RALYL: variants seen among roughly 807,000 people sequenced by gnomAD.
RALYL encodes RNA-binding Raly-like protein.
A neutral mutation model predicts 35.1 loss-of-function variants in RALYL; 29 were observed. The observed-to-expected ratio is 0.83, with a 90% CI of 0.61 to 1.13. RALYL has a LOEUF of 1.13. RALYL is among the 50% of genes most tolerant of loss of function. The pLI is 0.00. For synonymous variants in RALYL, 120 were observed against 127.6 expected (o/e 0.94, Z 0.40); for missense variants, 359 against 360.4 (o/e 1.00, Z 0.03).
intron 2 of RALYL, among the ~76,000 whole-genome samples, chr8:84,715,886 T>C (rs1842886803): frequency 6.6e-6 from 1 of 152,134 alleles, no homozygotes; most frequent in Non-Finnish European, 1.5e-5. Context: ...ACTCAAAGTA[T>C]TAATGGTCTC....
intron 1 of RALYL, among the ~76,000 whole-genome samples, chr8:84,519,061 C>A (rs950695055): frequency 3.3e-5 from 5 of 152,172 alleles, no homozygotes; most frequent in African/African-American, 1.2e-4. Context: ...ATTCTTTCTA[C>A]ATTGCTGTCT....
intron 8 of RALYL, among the ~76,000 whole-genome samples, chr8:84,896,087 C>T (rs1478413738): frequency 6.6e-6 from 1 of 152,180 alleles, no homozygotes; most frequent in Non-Finnish European, 1.5e-5. Context: ...CCTGCCCTCC[C>T]CCTTGAGGAT....
chr8:84,817,256 T>C (rs1477609933), intron 4 of RALYL, among the ~76,000 whole-genome samples: 25 of 152,190 alleles, frequency 1.6e-4, no homozygotes. Context: ...TTCAATATAC[T>C]TCTGCTGTTA....
intron 2 of RALYL, among the ~76,000 whole-genome samples, chr8:84,564,106 T>A (rs2061628901): frequency 1.3e-5 from 2 of 151,770 alleles, no homozygotes; most frequent in South Asian, 4.1e-4. Flanking sequence ...ATTCTTATAG[T>A]CATGTTTCTT....
At chr8:84,796,757 TAA>T (rs3068137) in intron 3 of RALYL, among the ~76,000 whole-genome samples, 41,842 of 152,024 alleles carry the variant, frequency 0.28, 6,190 homozygotes, top group African/African-American at 0.37. Context: ...TTAAGTATAT[TAA>T]GTTATTTATA....
chr8:84,256,828 C>A (rs972422106), intron 1 of RALYL, among the ~76,000 whole-genome samples: 46 of 151,944 alleles, frequency 3.0e-4, no homozygotes, highest in Non-Finnish European at 4.9e-4. Context: ...AGTAATTTAC[C>A]CAGACAGGTG....
intron 1 of RALYL, among the ~76,000 whole-genome samples, chr8:84,201,272 T>G (rs1016620252): frequency 6.6e-6 from 1 of 152,200 alleles, no homozygotes; most frequent in African/African-American, 2.4e-5. Context: ...TTAAATTGAT[T>G]TAGTATCTTT....
chr8:84,252,439 A>G (rs896153722), intron 1 of RALYL, among the ~76,000 whole-genome samples: 5 of 152,182 alleles, frequency 3.3e-5, no homozygotes, highest in African/African-American at 1.2e-4. Context: ...TACACGGTAC[A>G]AGCTGGAAAT....
intron 1 of RALYL, among the ~76,000 whole-genome samples, chr8:84,494,234 G>C (rs565550055): frequency 2.2e-4 from 34 of 152,204 alleles, no homozygotes; most frequent in Middle Eastern, 3.4e-3. Context: ...TCTTATTTCT[G>C]AGGTCTCTAT....
At chr8:84,520,877 T>C (rs1389487272) in intron 1 of RALYL, among the ~76,000 whole-genome samples, 1 of 152,188 alleles carries the variant, frequency 6.6e-6, no homozygotes, top group Non-Finnish European at 1.5e-5. Flanking sequence ...AATCAGTCCC[T>C]GGTGCCAAAC....
chr8:84,859,323 G>T (rs569160297), intron 5 of RALYL, among the ~76,000 whole-genome samples: 1 of 152,076 alleles, frequency 6.6e-6, no homozygotes, highest in Non-Finnish European at 1.5e-5. Context: ...GTAGCCTCTG[G>T]TCCTTTTGTT....
chr8:84,571,202 G>A (rs977710639), intron 2 of RALYL, among the ~76,000 whole-genome samples: 3 of 151,694 alleles, frequency 2.0e-5, no homozygotes, highest in East Asian at 3.9e-4. Flanking sequence ...ACTCTTCCTT[G>A]TATGTTTGGT....
rs180859246 is a variant in RALYL at position 84,497,278 on chromosome 8, A to T, written c.-23-32021A>T. ...TCTGCAAGGTCTTTTATGAGGGTGAAATCAATTTATTCACTCAGGTCCATA... is the reference window on the plus strand; with the variant it reads ...TCTGCAAGGTCTTTTATGAGGGTGATATCAATTTATTCACTCAGGTCCATA... On this transcript the variant is annotated intron_variant, in intron 1 of 8. Coordinates refer to ENST00000521268, the MANE Select transcript of RALYL (RefSeq NM_173848.7). Among the ~76,000 whole-genome samples, 6 of 152,274 alleles carry T rather than the reference A, an allele frequency of 3.9e-5. No homozygotes were observed. In the East Asian group the frequency reaches 1.2e-3, roughly 29 times the overall value.
intron 1 of RALYL, among the ~76,000 whole-genome samples, chr8:84,447,429 G>A (rs1436776221): frequency 6.6e-6 from 1 of 151,902 alleles, no homozygotes; most frequent in Non-Finnish European, 1.5e-5. Flanking sequence ...GTTTCAGCAT[G>A]CCATGTCTCA....
intron 1 of RALYL, among the ~76,000 whole-genome samples, chr8:84,354,195 C>T (rs140863769): frequency 1.5e-4 from 23 of 150,184 alleles, no homozygotes; most frequent in Non-Finnish European, 2.5e-4. Context: ...GTGAAAGCCA[C>T]CCTGATTAAA....
At position 84,523,767 on chromosome 8, in the gene RALYL, T is replaced by C. The variant is rs552328959; in HGVS notation, c.-23-5532T>C. ...ACCTGTGAGTTAGAATATGCGGTGT[T>C]TGGTTTTTTGTTCTTGCGATAGTTT... On this transcript the variant is annotated intron_variant, in intron 1 of 8. Coordinates refer to ENST00000521268, the MANE Select transcript of RALYL (RefSeq NM_173848.7). Among the ~76,000 whole-genome samples, 3 of 150,724 alleles carry C rather than the reference T, an allele frequency of 2.0e-5. No individual in the cohort carries two copies. In the East Asian group the frequency reaches 6.0e-4, roughly 30 times the overall value.
At chr8:84,336,790 A>G (rs1847884726) in intron 1 of RALYL, among the ~76,000 whole-genome samples, 1 of 151,998 alleles carries the variant, frequency 6.6e-6, no homozygotes, top group South Asian at 2.1e-4. Flanking sequence ...GAAAACAGAA[A>G]GTGAGGGCCA....
In RALYL at chr8:84,673,343, T is replaced by C. The variant is rs1427456472; in HGVS notation, c.257-101236T>C. On this transcript the variant is annotated intron_variant, in intron 2 of 8. Coordinates refer to ENST00000521268, the MANE Select transcript of RALYL (RefSeq NM_173848.7). ...TTGTCTGTTTACTCTGTTGGTAGTT[T>C]CTTTTGCTGTGCTGAAGCTCTTCAG... Among the ~76,000 whole-genome samples, 8 of 152,338 alleles carry C rather than the reference T, an allele frequency of 5.3e-5. No individual in the cohort carries two copies. The East Asian group carries it at 1.4e-3, about 26-fold the overall frequency.
At chr8:84,261,208 T>C (rs1832224614) in intron 1 of RALYL, among the ~76,000 whole-genome samples, 2 of 152,180 alleles carry the variant, frequency 1.3e-5, no homozygotes, top group African/African-American at 4.8e-5. Context: ...AGTTATAAAT[T>C]ATCTCAGCAA....
Sources: allele counts gnomAD v4.1 joint callset (sites outside exome capture counted in the v4.1 genomes callset), GRCh38; gene constraint gnomAD v4.1.1; transcripts MANE v1.5; gene names NCBI Gene and HGNC (gene_info 2026-07-23, HGNC 2026-07-21).